Variants in KIZ observed in about 807,000 individuals in gnomAD.
The protein encoded by KIZ is kizuna centrosomal protein, also known as centrosomal protein kizuna.
In KIZ, 68 loss-of-function variants were observed where a neutral mutation model predicts 79.6. The observed-to-expected ratio is 0.85, with a 90% CI of 0.70 to 1.05. KIZ has a LOEUF of 1.05. KIZ is among the 50% of genes least tolerant of loss of function. The probability of loss-of-function intolerance (pLI) is 0.00; values close to 1 mark genes in which losing one functional copy is unlikely to be tolerated. For missense variants in KIZ, 797 were observed against 800.4 expected (o/e 1.00, Z 0.05); for synonymous variants, 280 against 281.8 (o/e 0.99, Z 0.06).
chr20:21,173,508 G>A (rs1317946693), intron 6 of KIZ, among the ~76,000 whole-genome samples: 7 of 150,896 alleles, frequency 4.6e-5, no homozygotes, highest in Non-Finnish European at 8.8e-5. Context: ...AACCTGGGAA[G>A]TGGAGGTTGC....
intron 12 of KIZ, 56 bp from the exon 13 acceptor site, chr20:21,246,423 T>TA: frequency 9.2e-7 from 1 of 1,081,142 alleles, no homozygotes; most frequent in Non-Finnish European, 1.4e-6. Flanking sequence ...TGCTGTTTTG[T>TA]AAGCTCTTAA....
intron 3 of KIZ, among the ~76,000 whole-genome samples, chr20:21,142,327 CCTTGT>C (rs1464535534): frequency 5.3e-5 from 8 of 152,014 alleles, no homozygotes; most frequent in Non-Finnish European, 8.8e-5. Context: ...ACTGTGAGCT[CCTTGT>C]CTTATTATTT....
At chr20:21,175,830 T>C (rs2034408121) in intron 6 of KIZ, among the ~76,000 whole-genome samples, 1 of 151,408 alleles carries the variant, frequency 6.6e-6, no homozygotes, top group South Asian at 2.1e-4. Flanking sequence ...GCCTGACCAA[T>C]ATGGTGAAAG....
intron 7 of KIZ, among the ~76,000 whole-genome samples, chr20:21,210,373 A>G (rs186140885): frequency 1.1e-4 from 16 of 152,160 alleles, no homozygotes; most frequent in Admixed American, 5.9e-4. Flanking sequence ...ACATAAATAC[A>G]TAACCTTGTT....
At chr20:21,146,823 T>TA (rs1326957324) in intron 4 of KIZ, among the ~76,000 whole-genome samples, 4 of 151,646 alleles carry the variant, frequency 2.6e-5, no homozygotes, top group Non-Finnish European at 5.9e-5. Context: ...CCTCATAGAT[T>TA]AAAAAATTAA....
At chr20:21,229,905 G>C (rs188494817) in intron 10 of KIZ, among the ~76,000 whole-genome samples, 1 of 152,060 alleles carries the variant, frequency 6.6e-6, no homozygotes, top group African/African-American at 2.4e-5. Context: ...CTTAATTATA[G>C]TTCCTTCAAT....
At chr20:21,227,236 C>G (rs1414153527) in intron 9 of KIZ, among the ~76,000 whole-genome samples, 1 of 152,090 alleles carries the variant, frequency 6.6e-6, no homozygotes, top group Non-Finnish European at 1.5e-5. Context: ...ACAGAAATCC[C>G]CTTCTGATTG....
intron 6 of KIZ, among the ~76,000 whole-genome samples, chr20:21,168,869 T>G (rs1368237588): frequency 1.3e-5 from 2 of 152,202 alleles, no homozygotes; most frequent in African/African-American, 4.8e-5. Flanking sequence ...CTGGGAAAAC[T>G]GGCTAGTCAT....
rs1391814225 is a variant in KIZ, at chr20:21,161,927, A to G, written c.462A>G (p.Gln154=). ...SGTAMSRGLY[Q]PATIFMGRQM... is the part of the protein sequence containing the mutation. ...CAGCCATGTCAAGAGGATTGTATCA[A>G]CCAGCAACAATCTTTATGGGCCGCC... Residue 154 remains glutamine, a synonymous_variant, in exon 5 of 13, where the codon CAA becomes CAG. Transcript: ENST00000619189. 6.2e-6 allele frequency: 10 copies of G among 1,612,934 alleles called. No individual in the cohort carries two copies. Among genetic ancestry groups the G allele is most frequent in the African/African-American group, 1.3e-5 (1 of 74,918 alleles).
At chr20:21,218,515 C>T (rs13041717) in intron 9 of KIZ, 5,268 of 152,290 alleles carry the variant, frequency 0.035, 122 homozygotes, top group Middle Eastern at 0.061. Context: ...ATCCTTCTCT[C>T]TCTCTGCAGT....
At chr20:21,227,195 T>G (rs2036685528) in intron 9 of KIZ, among the ~76,000 whole-genome samples, 1 of 152,246 alleles carries the variant, frequency 6.6e-6, no homozygotes, top group Middle Eastern at 3.4e-3. Flanking sequence ...AAATCTGAAA[T>G]TACCTCAGGA....
chr20:21,172,658 T>G (rs1467812796), intron 6 of KIZ, among the ~76,000 whole-genome samples: 1 of 151,398 alleles, frequency 6.6e-6, no homozygotes, highest in Non-Finnish European at 1.5e-5. Flanking sequence ...AAGGCATGGG[T>G]GCAGTTTAAT....
At chr20:21,216,379 G>A (rs113294427) in intron 9 of KIZ, among the ~76,000 whole-genome samples, 15 of 151,926 alleles carry the variant, frequency 9.9e-5, no homozygotes, top group African/African-American at 3.4e-4. Context: ...AGGTACTGAG[G>A]CATGCATCTG....
At chr20:21,243,677 G>A (rs1000105572) in intron 11 of KIZ, among the ~76,000 whole-genome samples, 2 of 152,210 alleles carry the variant, frequency 1.3e-5, no homozygotes, top group African/African-American at 2.4e-5. Context: ...ATTGGCCTCA[G>A]TCGAGACGGT....
At position 21,136,439 on chromosome 20, in the gene KIZ, G is replaced by T; in HGVS notation, c.202G>T (p.Glu68Ter). Residue 68 changes from glutamate (E) to a stop codon, truncating the protein, a stop_gained, in exon 3 of 13, where the codon GAA becomes TAA. Transcript: ENST00000619189. LOFTEE classifies it high-confidence loss of function. Reference protein sequence around the residue: ...KLKNYLKEICESEKKAHTRNQ... With the variant: ...KLKNYLKEIC ...AAAGAATTATCTGAAGGAAATATGT[G>T]AATCTGAAAAGAAGGCTCATACTCG... The T allele has an allele frequency of 6.4e-7, 1 of 1,570,104 alleles. No homozygotes were observed. The highest frequency in any genetic ancestry group is 1.8e-5 in the Admixed American group (1 of 55,136).
intron 9 of KIZ, chr20:21,218,146 C>A (rs1007502676): frequency 1.3e-5 from 2 of 152,150 alleles, no homozygotes; most frequent in Admixed American, 6.5e-5. Context: ...AGGATAGTTA[C>A]CTTATCAAAA....
chr20:21,134,327 A>G (rs1443545898), intron 2 of KIZ, among the ~76,000 whole-genome samples: 1 of 152,144 alleles, frequency 6.6e-6, no homozygotes, highest in African/African-American at 2.4e-5. Flanking sequence ...ATAAACTTCT[A>G]GGCTCTGTGG....
chr20:21,245,971 T>A (rs1243031898), intron 12 of KIZ: 1 of 153,576 alleles, frequency 6.5e-6, no homozygotes, highest in Non-Finnish European at 1.4e-5. Flanking sequence ...GTCTTCCTTG[T>A]GTCACTGTCC....
chr20:21,176,988 T>C (rs959163360), intron 6 of KIZ, among the ~76,000 whole-genome samples: 1 of 152,274 alleles, frequency 6.6e-6, no homozygotes, highest in Non-Finnish European at 1.5e-5. Flanking sequence ...GTATTTTCTT[T>C]GTCCATTCAT....
Sources: allele counts gnomAD v4.1 joint callset (sites outside exome capture counted in the v4.1 genomes callset), GRCh38; gene constraint gnomAD v4.1.1; transcripts MANE v1.5; gene names NCBI Gene and HGNC (gene_info 2026-07-23, HGNC 2026-07-21).